The following LPGAT1 variants were observed in gnomAD, a reference collection of about 807,000 sequenced individuals.
The protein encoded by LPGAT1 is acyl-CoA:lysophosphatidylglycerol acyltransferase 1.
In LPGAT1, 11 loss-of-function variants were observed where a neutral mutation model predicts 47.5. The ratio of observed to expected loss-of-function variants is 0.23; its 90% CI spans 0.15 to 0.38. LPGAT1 has a LOEUF of 0.38. LPGAT1 is among the 10% of genes least tolerant of loss of function. LPGAT1 has a pLI of 1.00. For synonymous variants in LPGAT1, 138 were observed against 144.2 expected, an observed-to-expected ratio of 0.96 and a Z score of 0.31; for missense variants, 293 against 439.0, an observed-to-expected ratio of 0.67 and a Z score of 2.97.
At chr1:211,795,153 A>G (rs1047472983) in intron 2 of LPGAT1, among the ~76,000 whole-genome samples, 1 of 152,220 alleles carries the variant, frequency 6.6e-6, no homozygotes, top group Non-Finnish European at 1.5e-5. Context: ...ACTGAACTGT[A>G]CACTTGAAAA....
At chr1:211,768,865 A>G (rs1658048660) in intron 6 of LPGAT1, among the ~76,000 whole-genome samples, 1 of 152,222 alleles carries the variant, frequency 6.6e-6, no homozygotes, top group Non-Finnish European at 1.5e-5. Context: ...ATTTTCATAC[A>G]GATTTCCAAG....
chr1:211,793,402 ATTATTTATTTATTTATTTAT>A (rs10597980), intron 2 of LPGAT1: 11 of 148,652 alleles, frequency 7.4e-5, no homozygotes, highest in Admixed American at 2.8e-4. Context: ...TAAAATTATC[ATTATTTATTTATTTATTTAT>A]TTATTTATTT....
chr1:211,828,518 T>C (rs1660614553), intron 2 of LPGAT1, among the ~76,000 whole-genome samples: 1 of 152,196 alleles, frequency 6.6e-6, no homozygotes, highest in Non-Finnish European at 1.5e-5. Flanking sequence ...TATTTAATAC[T>C]CTCAGATTTA....
chr1:211,775,899 C>A (rs1391967831), intron 6 of LPGAT1, among the ~76,000 whole-genome samples: 1 of 149,268 alleles, frequency 6.7e-6, no homozygotes, highest in African/African-American at 2.5e-5. Context: ...CCATTGCACT[C>A]CAGCCTGGGC....
intron 6 of LPGAT1, among the ~76,000 whole-genome samples, chr1:211,752,187 A>G (rs1416674398): frequency 6.6e-6 from 1 of 152,036 alleles, no homozygotes; most frequent in Non-Finnish European, 1.5e-5. Flanking sequence ...ATTATGTATC[A>G]TTTTTCATTT....
At chr1:211,809,533 G>C (rs1375116574) in intron 2 of LPGAT1, among the ~76,000 whole-genome samples, 4 of 152,128 alleles carry the variant, frequency 2.6e-5, no homozygotes, top group Admixed American at 2.6e-4. Flanking sequence ...ATCTCATCTT[G>C]AATTATAGCT....
intron 2 of LPGAT1, among the ~76,000 whole-genome samples, chr1:211,810,491 C>T (rs748625691): frequency 1.3e-5 from 2 of 152,148 alleles, no homozygotes; most frequent in African/African-American, 4.8e-5. Flanking sequence ...ATATTCAGCT[C>T]TCATGCCCAT....
intron 2 of LPGAT1, among the ~76,000 whole-genome samples, chr1:211,820,903 T>A (rs1660347702): frequency 6.6e-6 from 1 of 152,142 alleles, no homozygotes; most frequent in African/African-American, 2.4e-5. Flanking sequence ...TATATCCTAA[T>A]AAAGTTACTA....
chr1:211,814,348 A>T (rs1571761192), intron 2 of LPGAT1, among the ~76,000 whole-genome samples: 1 of 152,208 alleles, frequency 6.6e-6, no homozygotes, highest in Admixed American at 6.5e-5. Context: ...TCACAAGGTT[A>T]GACAGGCAGG....
At chr1:211,824,442 C>G (rs745485939) in intron 2 of LPGAT1, among the ~76,000 whole-genome samples, 4 of 152,138 alleles carry the variant, frequency 2.6e-5, no homozygotes, top group Non-Finnish European at 5.9e-5. Context: ...TTACTGAGTA[C>G]TCTGTGAGCA....
At chr1:211,809,948 C>A (rs2102585525) in intron 2 of LPGAT1, among the ~76,000 whole-genome samples, 1 of 152,196 alleles carries the variant, frequency 6.6e-6, no homozygotes. Context: ...AATACGTGTA[C>A]AACATGAATA....
rs571524158 is a variant in LPGAT1 at position 211,763,227 on chromosome 1, G to GT, written c.855-12161dup. Among the ~76,000 whole-genome samples the GT allele has an allele frequency of 6.9e-3, 1,050 of 152,294 alleles. 5 individuals carry two copies. Among genetic ancestry groups the GT allele is most frequent in the Middle Eastern group, 0.014 (4 of 294 alleles). ...TAATCTCCAATGTCAGTATTAAGAG[G>GT]TGAGGCCTTTAAAAGGTGATTTGGT... is the stretch of plus-strand genomic sequence containing the variant. On this transcript the variant is annotated intron_variant, in intron 6 of 7. Coordinates refer to ENST00000366997, the MANE Select transcript of LPGAT1 (RefSeq NM_014873.3).
chr1:211,776,001 A>G (rs1029700185), intron 6 of LPGAT1, among the ~76,000 whole-genome samples: 9 of 151,380 alleles, frequency 5.9e-5, no homozygotes, highest in African/African-American at 1.9e-4. Flanking sequence ...TTGATCCATA[A>G]TAACTGCCTT....
chr1:211,807,348 T>A (rs1033319821), intron 2 of LPGAT1, among the ~76,000 whole-genome samples: 1 of 151,764 alleles, frequency 6.6e-6, no homozygotes, highest in Non-Finnish European at 1.5e-5. Context: ...CACAACTTGA[T>A]CTACAAATGT....
chr1:211,783,489 C>T lies in LPGAT1; in HGVS notation c.467G>A (p.Arg156His), dbSNP rs1558266719. Residue 156 changes from arginine (R) to histidine (H), a missense_variant, in exon 5 of 8, where the codon CGT becomes CAT. Transcript: ENST00000366997. ...CTTGAGAAGCAGCAGCTGTTGGTCA[C>T]GATAAGATCTTCCCTAGAAGGTACA... ...DFFIRQGRSY[R>H]DQQLLLLKKH... is the part of the protein sequence containing the mutation. 3 of 1,613,052 alleles carry T rather than the reference C, an allele frequency of 1.9e-6. No homozygotes were observed. Among genetic ancestry groups the T allele is most frequent in the Non-Finnish European group, 2.5e-6 (3 of 1,179,496 alleles).
At chr1:211,805,101 G>A (rs1659703784) in intron 2 of LPGAT1, among the ~76,000 whole-genome samples, 1 of 110,950 alleles carries the variant, frequency 9.0e-6, no homozygotes, top group Non-Finnish European at 1.9e-5. Flanking sequence ...AGCAAACACA[G>A]AAATCAATGA....
In LPGAT1 at chr1:211,783,373, T is replaced by C; in HGVS notation, c.583A>G (p.Ser195Gly). Residue 195 changes from serine to glycine, a missense_variant, in exon 5 of 8, where the codon AGT becomes GGT. By Grantham distance (56) the Ser-to-Gly change is moderately conservative (BLOSUM62 0). Coordinates refer to ENST00000366997, the MANE Select transcript of LPGAT1 (RefSeq NM_014873.3). ...GGFLRKRRET[S>G]QAFAKKNNLP... ...TTATTTTTCTTGGCAAATGCCTGAC[T>C]TGTTTCTCGCCTCTTCCTGAGGAAG... 1 of 1,614,224 alleles carries C rather than the reference T, an allele frequency of 6.2e-7. No individual in the cohort carries two copies. The highest frequency in any genetic ancestry group is 8.5e-7 in the Non-Finnish European group (1 of 1,180,030).
chr1:211,789,130 T>A (rs1558269502), intron 3 of LPGAT1, among the ~76,000 whole-genome samples: 1 of 152,196 alleles, frequency 6.6e-6, no homozygotes, highest in Non-Finnish European at 1.5e-5. Flanking sequence ...CAGCATCCCA[T>A]CTTGTTTTGC....
rs1366929991 is a variant in LPGAT1, at chr1:211,748,354, G to T, written c.*1545C>A. 1.3e-5 allele frequency: 2 copies of T among 152,182 alleles called. No homozygotes were observed. The highest frequency in any genetic ancestry group is 2.9e-5 in the Non-Finnish European group (2 of 68,020). The allele number at this position is 152,182 out of a possible 1,614,324, so 9.4% of individuals were successfully genotyped here. ...ACATCGCAACAAATTTCTAAAAAATGTTTTCTAGAAATAGAAACTTGACTT... is the reference window on the plus strand; with the variant it reads ...ACATCGCAACAAATTTCTAAAAAATTTTTTCTAGAAATAGAAACTTGACTT... On this transcript the variant is annotated 3_prime_UTR_variant, in exon 8 of 8. Coordinates refer to ENST00000366997, the MANE Select transcript of LPGAT1 (RefSeq NM_014873.3).
Sources: gnomAD v4.1 joint callset for allele counts (sites outside exome capture counted in the v4.1 genomes callset) on GRCh38, gnomAD v4.1.1 for gene constraint, MANE v1.5 for transcripts, NCBI Gene and HGNC (gene_info 2026-07-23, HGNC 2026-07-21) for gene names.